The following LRRTM3 variants were observed in gnomAD, a reference collection of about 807,000 sequenced individuals.
LRRTM3 encodes leucine-rich repeat transmembrane neuronal protein 3.
LRRTM3 carries 24 observed loss-of-function variants against 44.7 expected under a neutral mutation model. The observed-to-expected ratio is 0.54, with a 90% confidence interval of 0.39 to 0.76. The LOEUF is 0.76. LRRTM3 is among the 30% of genes least tolerant of loss of function. The pLI, the probability that LRRTM3 is intolerant of heterozygous loss-of-function variation, is 0.00. For missense variants in LRRTM3, 587 were observed against 702.2 expected, an observed-to-expected ratio of 0.84 and a Z score of 1.85; for synonymous variants, 277 against 278.7, an observed-to-expected ratio of 0.99 and a Z score of 0.06.
intron 2 of LRRTM3, among the ~76,000 whole-genome samples, chr10:67,006,101 CA>C (rs1451455444): frequency 6.6e-6 from 1 of 152,088 alleles, no homozygotes; most frequent in Non-Finnish European, 1.5e-5. Flanking sequence ...AGGTACTTTA[CA>C]AACAACTTTG....
At chr10:67,086,116 A>G (rs1857293928) in intron 2 of LRRTM3, among the ~76,000 whole-genome samples, 1 of 152,046 alleles carries the variant, frequency 6.6e-6, no homozygotes, top group Admixed American at 6.6e-5. Context: ...GAATGAGTGG[A>G]TAGATGGATA....
chr10:66,927,869 G>C lies in LRRTM3; in HGVS notation c.953G>C (p.Arg318Thr). The C allele has an allele frequency of 6.2e-7, 1 of 1,614,224 alleles. No homozygotes were observed. Among genetic ancestry groups the C allele is most frequent in the East Asian group, 2.2e-5 (1 of 44,886 alleles). Residue 318 changes from arginine to threonine, a missense_variant, in exon 2 of 3, where the codon AGA becomes ACA. By Grantham distance (71) the Arg-to-Thr change is moderately conservative. Transcript: ENST00000361320. This position sits in a 1 kb window ranked among gnomAD's most constrained non-coding sequence, Gnocchi z 4.7. ...GCTGGGAATATATGGGAATGCAGCA[G>C]AAATATTTGCTCCCTTGTAAACTGG... is the stretch of plus-strand genomic sequence containing the variant. ...SLAGNIWECS[R>T]NICSLVNWLK...
intron 2 of LRRTM3, among the ~76,000 whole-genome samples, chr10:66,987,177 A>G (rs907445811): frequency 6.6e-6 from 1 of 152,198 alleles, no homozygotes; most frequent in East Asian, 1.9e-4. Context: ...GGGCAGGACT[A>G]AGGGAGAGGG....
chr10:67,033,044 AC>A (rs1853829993), intron 2 of LRRTM3, among the ~76,000 whole-genome samples: 1 of 152,222 alleles, frequency 6.6e-6, no homozygotes, highest in East Asian at 1.9e-4. Context: ...GCCTAAAGGA[AC>A]AAAGATAACA....
At chr10:66,929,512 T>G (rs910239816) in intron 2 of LRRTM3, among the ~76,000 whole-genome samples, 5 of 152,194 alleles carry the variant, frequency 3.3e-5, no homozygotes, top group Non-Finnish European at 7.3e-5. Flanking sequence ...GACACTTCAT[T>G]CAGATGTGTA....
chr10:66,957,851 A>G (rs922984749), intron 2 of LRRTM3, among the ~76,000 whole-genome samples: 1 of 151,984 alleles, frequency 6.6e-6, no homozygotes, highest in African/African-American at 2.4e-5. Flanking sequence ...GCCTGAAGGG[A>G]GCCAGAGAAA....
At chr10:67,054,136 T>A (rs1370964392) in intron 2 of LRRTM3, among the ~76,000 whole-genome samples, 1 of 152,106 alleles carries the variant, frequency 6.6e-6, no homozygotes, top group Non-Finnish European at 1.5e-5. Context: ...CATATTCACG[T>A]AAGAAGGCAA....
intron 2 of LRRTM3, among the ~76,000 whole-genome samples, chr10:66,996,383 C>T (rs549018092): frequency 5.9e-5 from 9 of 152,172 alleles, no homozygotes; most frequent in East Asian, 3.9e-4. Context: ...CAATGGCTCA[C>T]GCCTGTAATC....
Position 67,099,731 on chromosome 10 carries a change from C to T in LRRTM3, c.*1935C>T, listed in dbSNP as rs1858228381. Reference sequence around the variant, plus strand: ...CACAGTACTTGTGTCAACTATTTAGCATCCCAGATTTTGTAACATATTTTG... The same window carrying T: ...CACAGTACTTGTGTCAACTATTTAGTATCCCAGATTTTGTAACATATTTTG... On this transcript the variant is annotated 3_prime_UTR_variant, in exon 3 of 3. Transcript: ENST00000361320. The T allele has an allele frequency of 1.3e-5, 2 of 152,170 alleles. No homozygotes were observed. Among genetic ancestry groups the T allele is most frequent in the African/African-American group, 4.8e-5 (2 of 41,394 alleles). The allele number at this position is 152,170 out of a possible 1,614,324, so 9.4% of individuals were successfully genotyped here. A position where few individuals can be genotyped will look rare whatever the true frequency, so the allele number is the denominator to read the frequency against.
intron 2 of LRRTM3, among the ~76,000 whole-genome samples, chr10:67,057,664 C>G (rs951589463): frequency 2.0e-5 from 3 of 152,168 alleles, no homozygotes; most frequent in African/African-American, 7.2e-5. Context: ...GAAGCACCCT[C>G]AGGAAAGTTG....
At chr10:67,062,968 G>T (rs560706599) in intron 2 of LRRTM3, among the ~76,000 whole-genome samples, 13 of 151,846 alleles carry the variant, frequency 8.6e-5, no homozygotes, top group African/African-American at 2.9e-4. Flanking sequence ...AGAGTTAATC[G>T]TTTTGTTTTT....
intron 2 of LRRTM3, among the ~76,000 whole-genome samples, chr10:66,977,800 C>T (rs1011919000): frequency 1.3e-5 from 2 of 152,182 alleles, no homozygotes; most frequent in Non-Finnish European, 2.9e-5. Flanking sequence ...TAATTCTGTA[C>T]TTCCAATTGT....
At chr10:67,096,302 G>T (rs1589732833) in intron 2 of LRRTM3, among the ~76,000 whole-genome samples, 1 of 151,776 alleles carries the variant, frequency 6.6e-6, no homozygotes, top group East Asian at 1.9e-4. Flanking sequence ...GAACTGTAGG[G>T]ATGGAAACAG....
intron 2 of LRRTM3, among the ~76,000 whole-genome samples, chr10:66,930,229 T>C (rs1248319607): frequency 6.6e-6 from 1 of 152,200 alleles, no homozygotes; most frequent in African/African-American, 2.4e-5. Context: ...TGATTAAATC[T>C]TACAATAGAT....
intron 2 of LRRTM3, among the ~76,000 whole-genome samples, chr10:67,036,845 G>A (rs1200778940): frequency 6.6e-6 from 1 of 151,900 alleles, no homozygotes; most frequent in Non-Finnish European, 1.5e-5. Context: ...ATTAAAGTAG[G>A]ATAAAAGCAA....
intron 2 of LRRTM3, among the ~76,000 whole-genome samples, chr10:67,001,112 C>CT (rs1851658694): frequency 6.6e-6 from 1 of 151,502 alleles, no homozygotes; most frequent in African/African-American, 2.4e-5. Context: ...ACCATCCTGG[C>CT]CAACATGATG....
intron 2 of LRRTM3, among the ~76,000 whole-genome samples, chr10:66,953,381 G>C (rs1005916044): frequency 6.6e-6 from 1 of 152,192 alleles, no homozygotes; most frequent in Non-Finnish European, 1.5e-5. Context: ...TGAAATGAGA[G>C]AGTTGAAAAT....
chr10:67,062,468 C>T (rs1261369643), intron 2 of LRRTM3, among the ~76,000 whole-genome samples: 1 of 152,070 alleles, frequency 6.6e-6, no homozygotes, highest in Non-Finnish European at 1.5e-5. Flanking sequence ...AAATTAAGTA[C>T]ATTCATTGTA....
At chr10:66,957,429 CAT>C (rs765398428) in intron 2 of LRRTM3, among the ~76,000 whole-genome samples, 788 of 27,242 alleles carry the variant, frequency 0.029, 36 homozygotes, top group Middle Eastern at 0.081. Flanking sequence ...TATATATATG[CAT>C]ATATATATAT....
Sources: gnomAD v4.1 joint callset for allele counts (sites outside exome capture counted in the v4.1 genomes callset) on GRCh38, gnomAD v4.1.1 for gene constraint, Gnocchi (gnomAD v3.1) non-coding constraint, MANE v1.5 for transcripts, NCBI Gene and HGNC (gene_info 2026-07-23, HGNC 2026-07-21) for gene names.